The following DPP6 variants were observed in gnomAD, a reference collection of about 807,000 sequenced individuals.
The protein encoded by DPP6 is A-type potassium channel modulatory protein DPP6.
Under a neutral mutation model 122.6 loss-of-function variants are expected in DPP6, and 69 were observed. The ratio of observed to expected loss-of-function variants is 0.56; its 90% confidence interval spans 0.46 to 0.69. The LOEUF (loss-of-function observed/expected upper bound fraction) is 0.69, where lower values mean the gene tolerates loss of function less well. Ranked by LOEUF, DPP6 falls within the 30% of genes least tolerant of loss-of-function variation. The pLI is 0.00. For missense variants in DPP6, 928 were observed against 1,116.9 expected (o/e 0.83, Z 2.41); for synonymous variants, 418 against 433.1 (o/e 0.97, Z 0.43).
intron 23 of DPP6, among the ~76,000 whole-genome samples, chr7:154,888,376 A>T (rs1208199257): frequency 6.6e-6 from 1 of 152,154 alleles, no homozygotes; most frequent in Non-Finnish European, 1.5e-5. Flanking sequence ...GGTATGAGCC[A>T]CCACCCCTGG....
intron 3 of DPP6, among the ~76,000 whole-genome samples, chr7:154,504,960 G>C (rs963822745): frequency 6.6e-6 from 1 of 152,154 alleles, no homozygotes; most frequent in Non-Finnish European, 1.5e-5. Flanking sequence ...GGAAAGTAAG[G>C]ATCATAAATG....
intron 7 of DPP6, among the ~76,000 whole-genome samples, chr7:154,688,793 C>T (rs545082741): frequency 6.6e-6 from 1 of 152,186 alleles, no homozygotes; most frequent in Non-Finnish European, 1.5e-5. Context: ...TTCCCCAGCC[C>T]ACTGACTCAA....
chr7:154,844,890 A>C (rs1801826041), intron 16 of DPP6, among the ~76,000 whole-genome samples: 1 of 152,240 alleles, frequency 6.6e-6, no homozygotes, highest in Admixed American at 6.5e-5. Context: ...ATATCAGTGA[A>C]GATGGCCTGG....
intron 1 of DPP6, among the ~76,000 whole-genome samples, chr7:154,167,297 A>G (rs1488386986): frequency 6.6e-6 from 1 of 152,240 alleles, no homozygotes; most frequent in Non-Finnish European, 1.5e-5. Context: ...AAATCATTCT[A>G]GGCTTCAGAG....
At chr7:154,788,696 G>A (rs1043510615) in intron 10 of DPP6, among the ~76,000 whole-genome samples, 3 of 152,146 alleles carry the variant, frequency 2.0e-5, no homozygotes, top group Non-Finnish European at 1.5e-5. Context: ...CCTGGAATGT[G>A]GGAAATCCCT....
intron 1 of DPP6, among the ~76,000 whole-genome samples, chr7:154,145,511 T>C (rs1156957969): frequency 1.3e-5 from 2 of 152,064 alleles, no homozygotes; most frequent in Non-Finnish European, 2.9e-5. Flanking sequence ...CCACTGGAAC[T>C]GGAAGATAAT....
At chr7:154,387,482 G>A (rs1814218471) in intron 1 of DPP6, among the ~76,000 whole-genome samples, 1 of 152,232 alleles carries the variant, frequency 6.6e-6, no homozygotes, top group Admixed American at 6.5e-5. Flanking sequence ...AAGGCTGAAA[G>A]AGCAGGAGCC....
At chr7:154,099,046 G>A (rs1454875208) in intron 1 of DPP6, among the ~76,000 whole-genome samples, 1 of 152,018 alleles carries the variant, frequency 6.6e-6, no homozygotes, top group East Asian at 1.9e-4. Flanking sequence ...ACAGATTTAT[G>A]ATTTTTAGGA....
At chr7:154,595,400 A>G (rs1019241651) in intron 5 of DPP6, among the ~76,000 whole-genome samples, 2 of 152,092 alleles carry the variant, frequency 1.3e-5, no homozygotes, top group African/African-American at 4.8e-5. Context: ...GAAGGTTATG[A>G]ACTCTTGGGC....
At chr7:154,410,770 C>T (rs774235376) in intron 1 of DPP6, among the ~76,000 whole-genome samples, 3 of 152,090 alleles carry the variant, frequency 2.0e-5, no homozygotes, top group Admixed American at 6.6e-5. Context: ...TTGTTTCTTC[C>T]CTTTTAAAGA....
chr7:154,531,880 A>G (rs2130125455), intron 3 of DPP6, among the ~76,000 whole-genome samples: 1 of 152,260 alleles, frequency 6.6e-6, no homozygotes, highest in Non-Finnish European at 1.5e-5. Flanking sequence ...ATAACTTCTA[A>G]GACAACCACA....
chr7:154,665,234 C>T (rs1226266293), intron 6 of DPP6, among the ~76,000 whole-genome samples: 1 of 152,122 alleles, frequency 6.6e-6, no homozygotes, highest in Non-Finnish European at 1.5e-5. Context: ...CTTCCCATTG[C>T]ATTATATCCA....
intron 1 of DPP6, among the ~76,000 whole-genome samples, chr7:153,938,231 G>A (rs754698701): frequency 1.5e-4 from 23 of 152,180 alleles, no homozygotes; most frequent in African/African-American, 2.4e-4. Flanking sequence ...TTTCATCTTC[G>A]TTCTACTCAT....
chr7:153,832,863 A>G, the DPP6 span, among the ~76,000 whole-genome samples: 2 of 152,192 alleles, frequency 1.3e-5, no homozygotes, highest in Non-Finnish European at 2.9e-5. Context: ...TTCCATTTCC[A>G]AGACTCATGT....
intron 11 of DPP6, among the ~76,000 whole-genome samples, chr7:154,794,900 C>T (rs984014367): frequency 1.8e-4 from 9 of 50,298 alleles, no homozygotes; most frequent in East Asian, 9.0e-4. Context: ...TTCAGAAACT[C>T]CTTTTTGATC....
intron 5 of DPP6, among the ~76,000 whole-genome samples, chr7:154,610,208 A>T (rs761813472): frequency 9.9e-5 from 15 of 152,242 alleles, no homozygotes; most frequent in Admixed American, 2.0e-4. Context: ...AACAATATTA[A>T]GTAGCAAATT....
At chr7:153,940,828 C>T (rs17254365) in intron 1 of DPP6, among the ~76,000 whole-genome samples, 16,102 of 152,170 alleles carry the variant, frequency 0.11, 904 homozygotes, top group Admixed American at 0.14. Flanking sequence ...TGAATAAAAG[C>T]GGTGTGTTCG....
intron 1 of DPP6, among the ~76,000 whole-genome samples, chr7:154,221,109 C>T (rs1209964447): frequency 6.6e-6 from 1 of 152,154 alleles, no homozygotes; most frequent in Admixed American, 6.5e-5. Context: ...CTAAAGGCCT[C>T]TTAACAAAGT....
At chr7:154,225,559 G>A (rs1041146274) in intron 1 of DPP6, among the ~76,000 whole-genome samples, 10 of 149,538 alleles carry the variant, frequency 6.7e-5, no homozygotes, top group Non-Finnish European at 8.9e-5. Context: ...TCCCTTAATC[G>A]AAGAAAAAAA....
Sources: gnomAD v4.1 joint callset for allele counts (sites outside exome capture counted in the v4.1 genomes callset) on GRCh38, gnomAD v4.1.1 for gene constraint, MANE v1.5 for transcripts, NCBI Gene and HGNC (gene_info 2026-07-23, HGNC 2026-07-21) for gene names.